The following NR2C2 variants were observed in gnomAD, a reference collection of about 807,000 sequenced individuals.
NR2C2 encodes the protein Nuclear hormone receptor TR4.
Under a neutral mutation model 62.9 loss-of-function variants are expected in NR2C2, and 6 were observed. The observed-to-expected ratio is 0.10, with a 90% CI of 0.05 to 0.19. NR2C2 has a LOEUF of 0.19. Ranked by LOEUF, NR2C2 falls within the 10% of genes least tolerant of loss-of-function variation. NR2C2 has a pLI of 1.00. For synonymous variants in NR2C2, 272 were observed against 273.8 expected, an observed-to-expected ratio of 0.99 and a Z score of 0.07; for missense variants, 479 against 762.7, an observed-to-expected ratio of 0.63 and a Z score of 4.38.
intron 10 of NR2C2, 111 bp from the exon 11 acceptor site, chr3:15,034,559 A>G: frequency 1.8e-6 from 2 of 1,097,118 alleles, no homozygotes; most frequent in Non-Finnish European, 2.6e-6. Context: ...TTCAATAAAC[A>G]CTTGCTGAAT....
chr3:14,953,894 CAAA>C (rs538255184), intron 1 of NR2C2, among the ~76,000 whole-genome samples: 5 of 74,304 alleles, frequency 6.7e-5, no homozygotes, highest in Admixed American at 1.5e-4. Context: ...GACTTCATCT[CAAA>C]AAAAAAAAAA....
At position 15,038,031 on chromosome 3, in the gene NR2C2, C is replaced by G; in HGVS notation, c.1404C>G (p.Val468=). The G allele has an allele frequency of 1.2e-6, 2 of 1,613,926 alleles. No homozygotes were observed. Among genetic ancestry groups the G allele is most frequent in the South Asian group, 1.1e-5 (1 of 91,032 alleles). ...DKLSGDRIKQ[V]MEHIWKLQEF... is the part of the protein sequence containing the mutation. The stretch of plus-strand genomic sequence containing the variant: ...TTTCTGGTGACCGGATAAAGCAAGT[C>G]ATGGAGCACATCTGGAAGCTGCAGG... Residue 468 remains valine (V), a synonymous_variant, in exon 12 of 14, where the codon GTC becomes GTG. Transcript: ENST00000425241.
intron 4 of NR2C2, among the ~76,000 whole-genome samples, chr3:15,018,278 T>C (rs1415103900): frequency 1.3e-5 from 2 of 152,290 alleles, no homozygotes; most frequent in African/African-American, 4.8e-5. Context: ...ATTACAGGCA[T>C]GAGCCACCTT....
intron 7 of NR2C2, 123 bp from the exon 8 acceptor site, chr3:15,028,461 GCC>G: frequency 1.3e-6 from 1 of 761,128 alleles, no homozygotes; most frequent in Middle Eastern, 3.7e-4. Flanking sequence ...TCCTCGTGTT[GCC>G]CCTTTGTAGT....
At chr3:15,026,816 C>T (rs1057127549) in intron 7 of NR2C2, 1 of 152,292 alleles carries the variant, frequency 6.6e-6, no homozygotes, top group Non-Finnish European at 1.5e-5. Context: ...TCTCCTGCCT[C>T]AGCCTCCCGA....
intron 11 of NR2C2, among the ~76,000 whole-genome samples, chr3:15,036,441 G>GT (rs1328169169): frequency 6.6e-6 from 1 of 152,146 alleles, no homozygotes; most frequent in Non-Finnish European, 1.5e-5. Context: ...AGGATTCGAA[G>GT]TAACACTGAA....
rs148214292 is a variant in NR2C2 at position 14,999,984 on chromosome 3, A to G, written c.-39-3892A>G. On this transcript the variant is annotated intron_variant, in intron 1 of 13. Transcript: ENST00000425241. ...AATGTGTAAAAATTAAATCAAGCTC[A>G]TTAACATATCCATCACCTTAAATAC... 1.3e-4 allele frequency among the ~76,000 whole-genome samples: 20 copies of G among 152,312 alleles called. No homozygotes were observed. The South Asian group carries it at 3.9e-3, about 30-fold the overall frequency.
rs766205421 is a variant in NR2C2 at position 15,023,231 on chromosome 3, G to C, written c.588G>C (p.Val196=). The change falls in exon 6 of 14, where the codon GTG becomes GTC. Residue 196 remains valine (V), a synonymous_variant. Transcript: ENST00000425241. ...AGAGTGAACGGAAGCCCTTCGATGT[G>C]CAACGGGAGAAACCAAGCAATTGTG... is the stretch of plus-strand genomic sequence containing the variant. The part of the protein sequence containing the change: ...SVQSERKPFD[V]QREKPSNCAA... 3 of 1,614,214 alleles carry C rather than the reference G, an allele frequency of 1.9e-6. No homozygotes were observed. Among genetic ancestry groups the C allele is most frequent in the Non-Finnish European group, 2.5e-6 (3 of 1,180,030 alleles).
intron 1 of NR2C2, among the ~76,000 whole-genome samples, chr3:14,975,247 T>G (rs1330061390): frequency 6.6e-6 from 1 of 152,248 alleles, no homozygotes; most frequent in Non-Finnish European, 1.5e-5. Flanking sequence ...TGGCTAGGAC[T>G]TCTAGTACAA....
At chr3:15,039,300 A>G in intron 13 of NR2C2, 73 bp downstream of exon 13, 1 of 959,912 alleles carries the variant, frequency 1.0e-6, no homozygotes, top group South Asian at 1.3e-5. Flanking sequence ...TTTCTAATAT[A>G]AATTATGTTA....
chr3:14,970,047 C>G (rs1365816163), intron 1 of NR2C2, among the ~76,000 whole-genome samples: 1 of 152,054 alleles, frequency 6.6e-6, no homozygotes, highest in Non-Finnish European at 1.5e-5. Flanking sequence ...ATTTTCTTGT[C>G]AAAGTAGTAC....
intron 1 of NR2C2, among the ~76,000 whole-genome samples, chr3:14,964,414 G>GT (rs1194624540): frequency 6.6e-6 from 1 of 152,240 alleles, no homozygotes; most frequent in Non-Finnish European, 1.5e-5. Context: ...TCAATCACAA[G>GT]TATGACAGGC....
intron 1 of NR2C2, among the ~76,000 whole-genome samples, chr3:15,001,103 C>T (rs937159389): frequency 6.0e-5 from 9 of 151,166 alleles, no homozygotes; most frequent in African/African-American, 9.7e-5. Context: ...CGTGAGCCAC[C>T]GTGCCCAGCC....
chr3:15,015,471 G>A (rs1347546089), intron 3 of NR2C2, among the ~76,000 whole-genome samples: 1 of 152,164 alleles, frequency 6.6e-6, no homozygotes, highest in Admixed American at 6.5e-5. Context: ...ATAAAGTTTG[G>A]TTATTTCTCT....
At position 15,023,953 on chromosome 3, in the gene NR2C2, CAG is replaced by C. The variant is rs1408739614; in HGVS notation, c.705-161_705-160del. ...TTATGTATATCTCATTGCAGAGAGA[CAG>C]GGGTGGGGGTTCTGCTTAGTCACTA... is the stretch of plus-strand genomic sequence containing the variant. On this transcript the variant is annotated intron_variant, in intron 6 of 13. Transcript: ENST00000425241. Among the ~76,000 whole-genome samples, 17 of 152,270 alleles carry C rather than the reference CAG, an allele frequency of 1.1e-4. No individual in the cohort carries two copies. The East Asian group carries it at 2.1e-3, about 19-fold the overall frequency.
At chr3:14,977,479 A>G (rs1008459140) in intron 1 of NR2C2, among the ~76,000 whole-genome samples, 5 of 151,956 alleles carry the variant, frequency 3.3e-5, no homozygotes, top group African/African-American at 1.2e-4. Context: ...TTTTATAGCA[A>G]CTTTTTCTTC....
At chr3:14,998,564 T>C (rs1327747724) in intron 1 of NR2C2, among the ~76,000 whole-genome samples, 1 of 152,238 alleles carries the variant, frequency 6.6e-6, no homozygotes, top group African/African-American at 2.4e-5. Flanking sequence ...GTATATCTTC[T>C]AGGAGAAATT....
intron 1 of NR2C2, chr3:14,962,429 C>T (rs2039712134): frequency 6.6e-6 from 1 of 152,650 alleles, no homozygotes; most frequent in Non-Finnish European, 1.5e-5. Flanking sequence ...GATCTTGGTT[C>T]ACCATGGCTA....
chr3:14,996,441 C>T (rs1254653563), intron 1 of NR2C2, among the ~76,000 whole-genome samples: 2 of 152,206 alleles, frequency 1.3e-5, no homozygotes, highest in African/African-American at 4.8e-5. Context: ...TATCAGTTAT[C>T]ATTTGCTGAA....
Sources: allele counts gnomAD v4.1 joint callset (sites outside exome capture counted in the v4.1 genomes callset), GRCh38; gene constraint gnomAD v4.1.1; transcripts MANE v1.5; gene names NCBI Gene and HGNC (gene_info 2026-07-23, HGNC 2026-07-21).